Variants in OSBPL8 observed in about 807,000 individuals in gnomAD.
The protein encoded by OSBPL8 is oxysterol-binding protein-related protein 8.
In OSBPL8, 59 loss-of-function variants were observed where a neutral mutation model predicts 125.5. That is an observed-to-expected ratio of 0.47 (90% confidence interval 0.38 to 0.58). The LOEUF is 0.58. Ranked by LOEUF, OSBPL8 falls within the 20% of genes least tolerant of loss-of-function variation. OSBPL8 has a pLI of 0.00. For synonymous variants in OSBPL8, 330 were observed against 338.9 expected (o/e 0.97, Z 0.29); for missense variants, 758 against 1,047.8 (o/e 0.72, Z 3.82).
intron 21 of OSBPL8, among the ~76,000 whole-genome samples, chr12:76,367,225 G>C (rs1475175700): frequency 8.6e-6 from 1 of 116,100 alleles, no homozygotes; most frequent in Non-Finnish European, 1.9e-5. Flanking sequence ...GGGCTTTGTT[G>C]ATTGGTGTGT....
At chr12:76,528,423 AGAGT>A (rs964432000) in intron 1 of OSBPL8, among the ~76,000 whole-genome samples, 16 of 152,064 alleles carry the variant, frequency 1.1e-4, no homozygotes, top group South Asian at 2.1e-4. Context: ...CTTGTAAATA[AGAGT>A]TAGTTTTGAT....
intron 1 of OSBPL8, among the ~76,000 whole-genome samples, chr12:76,546,162 T>A (rs1950777876): frequency 6.6e-6 from 1 of 152,180 alleles, no homozygotes. Flanking sequence ...GCAAGAAACA[T>A]CTATATTTTC....
intron 8 of OSBPL8, among the ~76,000 whole-genome samples, chr12:76,396,472 A>G (rs1299964011): frequency 6.6e-6 from 1 of 152,140 alleles, no homozygotes; most frequent in African/African-American, 2.4e-5. Flanking sequence ...TAAAAACTTA[A>G]ACTAGGCTAG....
intron 5 of OSBPL8, among the ~76,000 whole-genome samples, chr12:76,409,040 C>G (rs1337623579): frequency 6.6e-6 from 1 of 151,778 alleles, no homozygotes; most frequent in Non-Finnish European, 1.5e-5. Flanking sequence ...CTAGCTGTGG[C>G]AGACCTAAGA....
chr12:76,440,060 A>G (rs1249017535), intron 4 of OSBPL8, among the ~76,000 whole-genome samples: 3 of 151,990 alleles, frequency 2.0e-5, no homozygotes, highest in Admixed American at 2.0e-4. Context: ...GCCAAATATC[A>G]GCATTAAGGC....
chr12:76,446,799 T>G (rs188248838), intron 4 of OSBPL8, among the ~76,000 whole-genome samples: 1 of 152,192 alleles, frequency 6.6e-6, no homozygotes, highest in African/African-American at 2.4e-5. Flanking sequence ...TGCTAAATAC[T>G]ATTATCTTCA....
intron 21 of OSBPL8, among the ~76,000 whole-genome samples, chr12:76,367,619 G>A (rs1245957628): frequency 1.3e-5 from 2 of 152,002 alleles, no homozygotes; most frequent in Non-Finnish European, 1.5e-5. Context: ...CGTCATATAC[G>A]TTTTTTGTTT....
chr12:76,382,090 C>T (rs1376833716), intron 15 of OSBPL8, among the ~76,000 whole-genome samples: 2 of 151,984 alleles, frequency 1.3e-5, no homozygotes, highest in African/African-American at 2.4e-5. Flanking sequence ...TATGTTGGTC[C>T]TTGCTGTTTT....
chr12:76,388,878 C>T (rs1953436482), intron 12 of OSBPL8, among the ~76,000 whole-genome samples: 1 of 151,936 alleles, frequency 6.6e-6, no homozygotes, highest in South Asian at 2.1e-4. Flanking sequence ...TTCGCTCATG[C>T]CATTTATAGA....
intron 2 of OSBPL8, among the ~76,000 whole-genome samples, chr12:76,471,520 A>G (rs1462152396): frequency 6.6e-6 from 1 of 152,080 alleles, no homozygotes; most frequent in African/African-American, 2.4e-5. Context: ...TTTATTTCTC[A>G]TATCCACAGT....
intron 2 of OSBPL8, among the ~76,000 whole-genome samples, chr12:76,477,965 A>T (rs1447100990): frequency 2.6e-5 from 4 of 151,912 alleles, no homozygotes; most frequent in Non-Finnish European, 5.9e-5. Flanking sequence ...GCATTTTGGG[A>T]GGCTGAGGAG....
At chr12:76,521,733 A>T (rs1882078135) in intron 1 of OSBPL8, among the ~76,000 whole-genome samples, 1 of 152,216 alleles carries the variant, frequency 6.6e-6, no homozygotes, top group Non-Finnish European at 1.5e-5. Context: ...TTTATGATGT[A>T]TCTACAATAG....
chr12:76,390,213 A>G, intron 11 of OSBPL8: 1 of 462,648 alleles, frequency 2.2e-6, no homozygotes, highest in Non-Finnish European at 3.8e-6. Flanking sequence ...TAAACTTTAA[A>G]TTTAATAGAA....
intron 2 of OSBPL8, among the ~76,000 whole-genome samples, chr12:76,462,641 G>T (rs1454499713): frequency 1.3e-5 from 2 of 152,060 alleles, no homozygotes; most frequent in African/African-American, 4.8e-5. Context: ...AAAATTCATG[G>T]TATAATATAT....
chr12:76,499,965 G>T (rs1879732486), intron 1 of OSBPL8, among the ~76,000 whole-genome samples: 1 of 152,046 alleles, frequency 6.6e-6, no homozygotes, highest in African/African-American at 2.4e-5. Flanking sequence ...ACCCTCCAAT[G>T]ATCCTTTACC....
Position 76,358,784 on chromosome 12 carries a change from G to A in OSBPL8, c.2356C>T (p.Pro786Ser). 4 of 1,613,996 alleles carry A rather than the reference G, an allele frequency of 2.5e-6. No individual in the cohort carries two copies. The highest frequency in any genetic ancestry group is 3.4e-6 in the Non-Finnish European group (4 of 1,179,948). The change falls in exon 22 of 24, where the codon CCA (proline) becomes TCA (serine). Residue 786 changes from proline (P) to serine (S), a missense_variant. Pro to Ser is a moderately conservative substitution (Grantham distance 74). Transcript: ENST00000261183. ...MVSVPKMKHK[P>S]TRQQKKVAKG... ...GCTACTTTCTTCTGTTGCCTGGTTGGCTTATGTTTCATTTTGGGGACGCTA... is the reference window on the plus strand; with the variant it reads ...GCTACTTTCTTCTGTTGCCTGGTTGACTTATGTTTCATTTTGGGGACGCTA...
At chr12:76,503,371 C>G (rs1293713486) in intron 1 of OSBPL8, among the ~76,000 whole-genome samples, 1 of 152,146 alleles carries the variant, frequency 6.6e-6, no homozygotes, top group African/African-American at 2.4e-5. Context: ...ATTTCCTCTT[C>G]TTATAAGGAG....
In OSBPL8 at chr12:76,389,646, C is replaced by T; in HGVS notation, c.1351G>A (p.Glu451Lys). ...DYYYHADFLS[E>K]AALEENPYFR... ...TTTAAGAAATAAGAATCTACTTACT[C>T]AGATAGGAAATCTGCATGATAGTAG... Residue 451 changes from glutamate to lysine, a missense_variant and splice_region_variant, in exon 12 of 24, where the codon GAG (glutamate) becomes AAG (lysine). Glu to Lys is a moderately conservative substitution (Grantham distance 56). Transcript: ENST00000261183. 6.5e-7 allele frequency: 1 copy of T among 1,548,168 alleles called. No individual in the cohort carries two copies. Among genetic ancestry groups the T allele is most frequent in the Non-Finnish European group, 8.7e-7 (1 of 1,144,644 alleles).
chr12:76,358,959 G>A, intron 21 of OSBPL8, 148 bp from the exon 22 acceptor site: 2 of 651,830 alleles, frequency 3.1e-6, no homozygotes, highest in South Asian at 3.9e-5. Context: ...TTTAACAAAT[G>A]TGATGCACTT....
Sources: gnomAD v4.1 joint callset for allele counts (sites outside exome capture counted in the v4.1 genomes callset) on GRCh38, gnomAD v4.1.1 for gene constraint, MANE v1.5 for transcripts, NCBI Gene and HGNC (gene_info 2026-07-23, HGNC 2026-07-21) for gene names.